The following ADGRA3 variants were observed in gnomAD, a reference collection of about 807,000 sequenced individuals.
ADGRA3 encodes the protein G-protein coupled receptor 125.
Under a neutral mutation model 119.8 loss-of-function variants are expected in ADGRA3, and 56 were observed. That is an observed-to-expected ratio of 0.47 (90% CI 0.38 to 0.58). The LOEUF (loss-of-function observed/expected upper bound fraction) is 0.58, where lower values mean the gene tolerates loss of function less well. Among genes scored for constraint, ADGRA3 ranks in the 20% least tolerant of loss-of-function variants. ADGRA3 has a pLI of 0.00. For synonymous variants in ADGRA3, 607 were observed against 623.8 expected (o/e 0.97, Z 0.40); for missense variants, 1,516 against 1,649.0 (o/e 0.92, Z 1.40).
At chr4:22,501,051 T>C (rs1719033108) in intron 1 of ADGRA3, among the ~76,000 whole-genome samples, 1 of 152,160 alleles carries the variant, frequency 6.6e-6, no homozygotes, top group South Asian at 2.1e-4. Context: ...TCTCAGACTC[T>C]CAGACCTTTG....
intron 16 of ADGRA3, among the ~76,000 whole-genome samples, chr4:22,396,262 A>G (rs1045078048): frequency 7.2e-5 from 11 of 152,168 alleles, no homozygotes; most frequent in African/African-American, 2.4e-4. Flanking sequence ...TAGAAACCAG[A>G]GTGAGAAGTA....
chr4:22,440,023 A>G (rs1209613546), intron 7 of ADGRA3, among the ~76,000 whole-genome samples: 1 of 152,208 alleles, frequency 6.6e-6, no homozygotes, highest in African/African-American at 2.4e-5. Flanking sequence ...TTAATGAGAT[A>G]TGTGTGCCTG....
intron 11 of ADGRA3, among the ~76,000 whole-genome samples, chr4:22,423,051 C>T (rs1715775245): frequency 6.6e-6 from 1 of 151,972 alleles, no homozygotes; most frequent in African/African-American, 2.4e-5. Flanking sequence ...CAAAAATTAG[C>T]CACACATAGT....
rs762963845 is a variant in ADGRA3, at chr4:22,388,319, A to G, written c.3352T>C (p.Leu1118=). The change falls in exon 19 of 19, where the codon TTG becomes CTG. Residue 1118 remains leucine (L), a synonymous_variant. Transcript: ENST00000334304. The part of the protein sequence containing the change: ...NSSQGCKLTN[L]QAAAAQCHAN... ...TGGCACTGAGCTGCAGCCGCCTGCA[A>G]GTTTGTTAATTTGCAGCCCTGGGAG... 5.0e-6 allele frequency: 8 copies of G among 1,614,084 alleles called. No individual in the cohort carries two copies. Among genetic ancestry groups the G allele is most frequent in the Non-Finnish European group, 6.8e-6 (8 of 1,179,994 alleles).
chr4:22,476,796 A>G (rs1282624215), intron 1 of ADGRA3, among the ~76,000 whole-genome samples: 1 of 151,344 alleles, frequency 6.6e-6, no homozygotes, highest in East Asian at 1.9e-4. Flanking sequence ...CCTCCCAAGT[A>G]GCTGGGAGTA....
chr4:22,412,822 T>C (rs1239038231), intron 14 of ADGRA3, among the ~76,000 whole-genome samples: 1 of 152,188 alleles, frequency 6.6e-6, no homozygotes, highest in Admixed American at 6.5e-5. Flanking sequence ...AAAATGTTCT[T>C]TCACTACTCA....
intron 1 of ADGRA3, among the ~76,000 whole-genome samples, chr4:22,485,629 A>G (rs1718410331): frequency 6.6e-6 from 1 of 152,206 alleles, no homozygotes; most frequent in South Asian, 2.1e-4. Context: ...TAGAACGCTC[A>G]CTATTAGTTG....
intron 14 of ADGRA3, among the ~76,000 whole-genome samples, chr4:22,403,092 A>G (rs1714740965): frequency 6.6e-6 from 1 of 152,160 alleles, no homozygotes; most frequent in Non-Finnish European, 1.5e-5. Context: ...CCCTACATTT[A>G]GGCAATTCAG....
intron 12 of ADGRA3, among the ~76,000 whole-genome samples, chr4:22,416,791 AGCT>A (rs1414384307): frequency 1.3e-5 from 2 of 152,208 alleles, no homozygotes; most frequent in Non-Finnish European, 2.9e-5. Context: ...GTTACCACAC[AGCT>A]GCTTTTTTTT....
chr4:22,491,852 T>C (rs1270013705), intron 1 of ADGRA3, among the ~76,000 whole-genome samples: 1 of 152,184 alleles, frequency 6.6e-6, no homozygotes, highest in Non-Finnish European at 1.5e-5. Flanking sequence ...TTAACAAGTA[T>C]GAGAATAATT....
intron 1 of ADGRA3, among the ~76,000 whole-genome samples, chr4:22,507,697 C>G (rs1034480417): frequency 1.3e-5 from 2 of 152,160 alleles, no homozygotes; most frequent in Admixed American, 1.3e-4. Context: ...GCAACCCTGT[C>G]ATCATATCAG....
intron 1 of ADGRA3, among the ~76,000 whole-genome samples, chr4:22,495,896 A>G (rs1962969): frequency 0.98 from 149,054 of 151,448 alleles, 73,400 homozygotes; most frequent in Middle Eastern, 1. Flanking sequence ...GGGACAGAGC[A>G]AGACTCCGTC....
At chr4:22,430,695 C>T (rs6854785) in intron 10 of ADGRA3, among the ~76,000 whole-genome samples, 6,135 of 151,394 alleles carry the variant, frequency 0.041, 209 homozygotes, top group East Asian at 0.19. Context: ...GAAATTCCAG[C>T]GGGCTGCAGA....
At chr4:22,466,597 C>T (rs1405001396) in intron 2 of ADGRA3, among the ~76,000 whole-genome samples, 2 of 152,052 alleles carry the variant, frequency 1.3e-5, no homozygotes, top group African/African-American at 4.8e-5. Flanking sequence ...CGTGATGGCG[C>T]ACACCTGTAG....
At chr4:22,510,192 C>T (rs921779046) in intron 1 of ADGRA3, among the ~76,000 whole-genome samples, 2 of 152,024 alleles carry the variant, frequency 1.3e-5, no homozygotes, top group Non-Finnish European at 2.9e-5. Context: ...TCCCTGCTGC[C>T]ATCAGAAGCC....
chr4:22,389,237 A>C, intron 17 of ADGRA3, 54 bp from the exon 18 acceptor site: 1 of 1,120,150 alleles, frequency 8.9e-7, no homozygotes, highest in Non-Finnish European at 1.4e-6. Context: ...CTTAACATGT[A>C]TCTCTCATAA....
intron 1 of ADGRA3, among the ~76,000 whole-genome samples, chr4:22,504,976 G>A (rs1379166399): frequency 6.6e-6 from 1 of 152,060 alleles, no homozygotes; most frequent in Non-Finnish European, 1.5e-5. Flanking sequence ...AACCTCAACC[G>A]CAAACTGACC....
At chr4:22,438,192 G>A (rs2109065127) in intron 8 of ADGRA3, 64 bp downstream of exon 8, 1 of 1,398,100 alleles carries the variant, frequency 7.2e-7, no homozygotes, top group Non-Finnish European at 1.0e-6. Context: ...CCAATAATGT[G>A]TCTTAGACAA....
intron 14 of ADGRA3, among the ~76,000 whole-genome samples, chr4:22,411,599 C>CA (rs1388107836): frequency 4.6e-5 from 7 of 151,442 alleles, no homozygotes; most frequent in East Asian, 1.9e-4. Flanking sequence ...GACTCTGTCT[C>CA]AAAAAAACAA....
Sources: gnomAD v4.1 joint callset for allele counts (sites outside exome capture counted in the v4.1 genomes callset) on GRCh38, gnomAD v4.1.1 for gene constraint, MANE v1.5 for transcripts, NCBI Gene and HGNC (gene_info 2026-07-23, HGNC 2026-07-21) for gene names.